The following SLMAP variants were observed in gnomAD, a reference collection of about 807,000 sequenced individuals.
SLMAP encodes the protein sarcolemma associated protein, also known as sarcolemmal membrane-associated protein.
A neutral mutation model predicts 128.8 loss-of-function variants in SLMAP; 44 were observed. The ratio of observed to expected loss-of-function variants is 0.34; its 90% CI spans 0.27 to 0.44. The LOEUF (loss-of-function observed/expected upper bound fraction) is 0.44. Ranked by LOEUF, SLMAP falls within the 20% of genes least tolerant of loss-of-function variation. The pLI is 1.00. For synonymous variants in SLMAP, 327 were observed against 348.8 expected, an observed-to-expected ratio of 0.94 and a Z score of 0.70; for missense variants, 787 against 985.3, an observed-to-expected ratio of 0.80 and a Z score of 2.69.
chr3:57,916,777 T>TTTTTTATAC (rs2096822499), intron 21 of SLMAP, 129 bp from the exon 22 acceptor site: 1 of 686,814 alleles, frequency 1.5e-6, no homozygotes, highest in East Asian at 2.8e-5. Flanking sequence ...TATTTCATTC[T>TTTTTTATAC]TTTTTATACT....
At chr3:57,897,142 A>G in intron 17 of SLMAP, 1 of 1,320,146 alleles carries the variant, frequency 7.6e-7, no homozygotes, top group Middle Eastern at 2.8e-4. Context: ...AGTCAAGATT[A>G]CGAGGGACAA....
At chr3:57,881,027 C>G (rs1349492878) in intron 14 of SLMAP, among the ~76,000 whole-genome samples, 2 of 151,842 alleles carry the variant, frequency 1.3e-5, no homozygotes, top group Non-Finnish European at 2.9e-5. Flanking sequence ...AACCCCATGT[C>G]TACTAAAAAT....
chr3:57,827,504 C>T (rs1048548415), intron 2 of SLMAP, among the ~76,000 whole-genome samples: 19 of 152,190 alleles, frequency 1.2e-4, no homozygotes, highest in Admixed American at 2.6e-4. Flanking sequence ...CCATCAATGC[C>T]TGATTGTTGG....
In SLMAP at chr3:57,875,429, C is replaced by T. The variant is rs374436598; in HGVS notation, c.1300+3731C>T. Among the ~76,000 whole-genome samples the T allele has an allele frequency of 1.8e-4, 28 of 152,246 alleles. No homozygotes were observed. The South Asian group carries it at 5.4e-3, about 29-fold the overall frequency. On this transcript the variant is annotated intron_variant, in intron 14 of 24. Coordinates refer to ENST00000671191, the MANE Select transcript of SLMAP (RefSeq NM_001377540.1). ...ACTCAGGAGTCTGAAGCAGGAGGAT[C>T]GCTTAAACCCATGAGGTTGAGGCTG...
intron 22 of SLMAP, chr3:57,917,656 C>T (rs2096839542): frequency 6.5e-6 from 1 of 154,294 alleles, no homozygotes; most frequent in African/African-American, 2.4e-5. Flanking sequence ...GAAGTCATAA[C>T]AGTTGATTTT....
chr3:57,823,793 A>C, intron 2 of SLMAP, among the ~76,000 whole-genome samples: 1 of 152,234 alleles, frequency 6.6e-6, no homozygotes, highest in East Asian at 1.9e-4. Flanking sequence ...AGGAATCGCC[A>C]CACTGACTTC....
chr3:57,763,103 G>A (rs2153431508), intron 2 of SLMAP, among the ~76,000 whole-genome samples: 1 of 152,232 alleles, frequency 6.6e-6, no homozygotes, highest in East Asian at 1.9e-4. Context: ...TACATAGAAA[G>A]GATAGTGAGT....
In SLMAP at chr3:57,860,731, T is replaced by C. The variant is rs1017013321; in HGVS notation, c.720T>C (p.Leu240=). 2 of 1,588,684 alleles carry C rather than the reference T, an allele frequency of 1.3e-6. No individual in the cohort carries two copies. The highest frequency in any genetic ancestry group is 1.2e-5 in the South Asian group (1 of 84,918). The change falls in exon 9 of 25, where the codon CTT becomes CTC. Residue 240 remains leucine (L), a synonymous_variant. Transcript: ENST00000671191. ...NQTEDSLRKE[L]IALQEDKHNY... The stretch of plus-strand genomic sequence containing the variant: ...CAGAAGATAGTTTACGAAAGGAACT[T>C]ATAGCATTACAAGAGGATAAACATA...
chr3:57,865,850 G>A (rs187310390), intron 13 of SLMAP, among the ~76,000 whole-genome samples: 1 of 152,176 alleles, frequency 6.6e-6, no homozygotes, highest in African/African-American at 2.4e-5. Context: ...GCCACTATTG[G>A]TTTTCCTGTC....
intron 6 of SLMAP, among the ~76,000 whole-genome samples, chr3:57,851,101 A>G (rs1425349084): frequency 2.0e-5 from 3 of 152,162 alleles, no homozygotes; most frequent in African/African-American, 7.2e-5. Context: ...TTTTATTCCT[A>G]TTTTTACAGA....
intron 8 of SLMAP, among the ~76,000 whole-genome samples, chr3:57,859,153 G>A (rs1560281345): frequency 1.3e-5 from 2 of 151,662 alleles, no homozygotes; most frequent in Non-Finnish European, 2.9e-5. Context: ...GCGAAACCCC[G>A]TCTCTACTAA....
At chr3:57,845,593 G>A (rs947397190) in intron 4 of SLMAP, among the ~76,000 whole-genome samples, 1 of 152,156 alleles carries the variant, frequency 6.6e-6, no homozygotes, top group Non-Finnish European at 1.5e-5. Flanking sequence ...AGGATGTGGA[G>A]TGATTAGCAG....
intron 14 of SLMAP, among the ~76,000 whole-genome samples, chr3:57,889,097 G>C (rs1397870484): frequency 6.6e-6 from 1 of 152,138 alleles, no homozygotes; most frequent in Non-Finnish European, 1.5e-5. Context: ...TGTTAGCCAG[G>C]ATGGTCTCTG....
chr3:57,849,926 G>C (rs1247618056), intron 6 of SLMAP, 110 bp downstream of exon 6: 4 of 695,350 alleles, frequency 5.8e-6, no homozygotes, highest in Non-Finnish European at 7.7e-6. Flanking sequence ...GTAATCCCAG[G>C]ACTTTGGGAG....
chr3:57,898,145 C>T (rs747292420), intron 17 of SLMAP: 12 of 152,170 alleles, frequency 7.9e-5, no homozygotes, highest in Admixed American at 1.3e-4. Flanking sequence ...AAGGAAGGAG[C>T]ACTCTTACTG....
chr3:57,790,447 AG>A (rs2085213019), intron 2 of SLMAP, among the ~76,000 whole-genome samples: 1 of 152,184 alleles, frequency 6.6e-6, no homozygotes, highest in South Asian at 2.1e-4. Flanking sequence ...TTATAAACCA[AG>A]GTTAAGGAAA....
intron 2 of SLMAP, among the ~76,000 whole-genome samples, chr3:57,786,073 A>G (rs1030308012): frequency 2.0e-5 from 3 of 152,218 alleles, no homozygotes; most frequent in Non-Finnish European, 2.9e-5. Flanking sequence ...GTTTAGTATA[A>G]TATTTTAGTA....
At chr3:57,908,927 T>A (rs1274715311) in intron 18 of SLMAP, 149 bp from the exon 19 acceptor site, 2 of 580,924 alleles carry the variant, frequency 3.4e-6, no homozygotes, top group Non-Finnish European at 6.1e-6. Context: ...TTAAACTAAC[T>A]GCTAATACTG....
At chr3:57,905,535 CT>C (rs1197208478) in intron 17 of SLMAP, among the ~76,000 whole-genome samples, 1 of 152,170 alleles carries the variant, frequency 6.6e-6, no homozygotes, top group Non-Finnish European at 1.5e-5. Context: ...TCTGCCTTGG[CT>C]TCCCAAAGTA....
Sources: gnomAD v4.1 joint callset for allele counts (sites outside exome capture counted in the v4.1 genomes callset) on GRCh38, gnomAD v4.1.1 for gene constraint, MANE v1.5 for transcripts, NCBI Gene and HGNC (gene_info 2026-07-23, HGNC 2026-07-21) for gene names.